Variants in CSPG4 observed in about 807,000 individuals in gnomAD.
CSPG4 encodes the protein chondroitin sulfate proteoglycan 4.
CSPG4 carries 74 observed loss-of-function variants against 139.3 expected under a neutral mutation model. That is an observed-to-expected ratio of 0.53 (90% confidence interval 0.44 to 0.64). The LOEUF (loss-of-function observed/expected upper bound fraction) is 0.64. CSPG4 is among the 30% of genes least tolerant of loss of function. The pLI, the probability that CSPG4 is intolerant of heterozygous loss-of-function variation, is 0.00. For synonymous variants in CSPG4, 1,234 were observed against 1,394.2 expected (o/e 0.89, Z 2.56); for missense variants, 2,565 against 3,148.3 (o/e 0.81, Z 4.43).
intron 8 of CSPG4, chr15:75,678,414 G>A (rs188003805): frequency 6.7e-5 from 22 of 329,900 alleles, no homozygotes; most frequent in Admixed American, 5.1e-4. Context: ...CTGCAGTGGC[G>A]TGATCATGGC....
chr15:75,684,477 C>G (rs1362163526), intron 5 of CSPG4, among the ~76,000 whole-genome samples: 3 of 152,240 alleles, frequency 2.0e-5, no homozygotes, highest in African/African-American at 7.2e-5. Context: ...GAAGAAGGAA[C>G]AGCAGAGCCA....
intron 5 of CSPG4, among the ~76,000 whole-genome samples, chr15:75,683,901 CCACCTGGTGGCT>C (rs1894015746): frequency 6.6e-6 from 1 of 152,204 alleles, no homozygotes; most frequent in Non-Finnish European, 1.5e-5. Context: ...GTAGATGGCA[CCACCTGGTGGCT>C]GTGCTGCCAC....
chr15:75,706,234 C>A (rs879883298), intron 1 of CSPG4, among the ~76,000 whole-genome samples: 64 of 152,218 alleles, frequency 4.2e-4, no homozygotes, highest in Non-Finnish European at 8.4e-4. Flanking sequence ...CCCCAGCCCC[C>A]TCTGTCTCCC....
rs926476378 is a variant in CSPG4, at chr15:75,677,962, C to T, written c.4951-76G>A. The T allele has an allele frequency of 1.1e-5, 15 of 1,400,114 alleles. No homozygotes were observed. In the African/African-American group the frequency reaches 2.2e-4, roughly 21 times the overall value. The allele number at this position is 1,400,114 out of a possible 1,614,324, so 86.7% of individuals were successfully genotyped here. A position where few individuals can be genotyped will look rare whatever the true frequency, so the allele number is the denominator to read the frequency against. On this transcript the variant is annotated intron_variant, in intron 8 of 9. Coordinates refer to ENST00000308508, the MANE Select transcript of CSPG4 (RefSeq NM_001897.5). ...CAGACACTGAGCACTTTTGTCTCCT[C>T]AGGCCCCACTCTGGGCTCTCCTGGG...
rs1316954384 is a variant in CSPG4 at position 75,689,561 on chromosome 15, G to A, written c.1504C>T (p.Arg502Cys). The change falls in exon 3 of 10, where the codon CGC (arginine) becomes TGC (cysteine). Residue 502 changes from arginine (R) to cysteine (C), a missense_variant. Transcript: ENST00000308508. The part of the protein sequence containing the change: ...KMFTLLDVVN[R>C]KARFIHDGSE... Reference sequence around the variant, plus strand: ...CCATCGTGGATGAAGCGGGCCTTGCGGTTCACCACGTCCAGGAGGGTGAAC... The same window carrying A: ...CCATCGTGGATGAAGCGGGCCTTGCAGTTCACCACGTCCAGGAGGGTGAAC... 1.2e-5 allele frequency: 19 copies of A among 1,612,586 alleles called. No individual in the cohort carries two copies. The highest frequency in any genetic ancestry group is 3.3e-5 in the Admixed American group (2 of 60,002).
chr15:75,712,131 G>T (rs547471914), intron 1 of CSPG4, among the ~76,000 whole-genome samples: 1 of 137,720 alleles, frequency 7.3e-6, no homozygotes, highest in East Asian at 2.1e-4. Flanking sequence ...GAAGCAAGGG[G>T]AGGAAAGAAG....
At chr15:75,684,602 G>T (rs1238413538) in intron 5 of CSPG4, 134 bp downstream of exon 5, 2 of 770,872 alleles carry the variant, frequency 2.6e-6, no homozygotes, top group Non-Finnish European at 4.2e-6. Flanking sequence ...AACCCCGTGA[G>T]GCATGTGGCA....
chr15:75,684,953 A>G (rs1566973073), intron 4 of CSPG4, 41 bp from the exon 5 acceptor site: 9 of 1,578,290 alleles, frequency 5.7e-6, no homozygotes, highest in Non-Finnish European at 6.9e-6. Flanking sequence ...CCCCAGCAGC[A>G]CCCTTCATGC....
At chr15:75,683,143 G>T in intron 5 of CSPG4, 102 bp from the exon 6 acceptor site, 1 of 1,210,558 alleles carries the variant, frequency 8.3e-7, no homozygotes, top group Non-Finnish European at 1.2e-6. Flanking sequence ...CTGCGGCTCA[G>T]CCCCTCGGGT....
In CSPG4 at chr15:75,687,383, C is replaced by T. The variant is rs1172139593; in HGVS notation, c.3682G>A (p.Val1228Met). Residue 1228 changes from valine to methionine, a missense_variant, in exon 3 of 10, where the codon GTG becomes ATG. Physicochemically the swap from Val to Met is conservative, Grantham distance 21. Transcript: ENST00000308508. The surrounding 1 kb of genome is among the most constrained non-coding windows in gnomAD (Gnocchi z 5.4). ...GPVHTDATLQ[V>M]TIALEGPLAP... Reference sequence around the variant, plus strand: ...AGTGGGCCCTCTAGGGCAATGGTCACTTGTAGGGTGGCATCCGTGTGCACT... The same window carrying T: ...AGTGGGCCCTCTAGGGCAATGGTCATTTGTAGGGTGGCATCCGTGTGCACT... 6.2e-7 allele frequency: 1 copy of T among 1,612,980 alleles called. No individual in the cohort carries two copies. Among genetic ancestry groups the T allele is most frequent in the African/African-American group, 1.3e-5 (1 of 75,060 alleles).
upstream of CSPG4, chr15:75,712,957 A>G: frequency 1.9e-6 from 1 of 531,378 alleles, no homozygotes; most frequent in Non-Finnish European, 3.3e-6. Flanking sequence ...CCCACCCTCA[A>G]CCTTCTTAAA....
At chr15:75,694,470 C>T (rs893784569) in intron 1 of CSPG4, among the ~76,000 whole-genome samples, 1 of 152,242 alleles carries the variant, frequency 6.6e-6, no homozygotes, top group African/African-American at 2.4e-5. Context: ...TTCCCTCAAA[C>T]CCGAGAGCGA....
rs774673857 is a variant in CSPG4 at position 75,688,701 on chromosome 15, C to T, written c.2364G>A (p.Arg788=). Residue 788 remains arginine (R), a synonymous_variant, in exon 3 of 10, where the codon CGG becomes CGA. Transcript: ENST00000308508. The part of the protein sequence containing the change: ...TIQRATVWML[R]LEPLHTQNTQ... ...TGTTCTGAGTGTGCAGTGGCTCCAGCCGCAGCATCCACACAGTGGCTCTCT... is the reference window on the plus strand; with the variant it reads ...TGTTCTGAGTGTGCAGTGGCTCCAGTCGCAGCATCCACACAGTGGCTCTCT... The T allele has an allele frequency of 1.2e-6, 2 of 1,610,508 alleles. No individual in the cohort carries two copies. The highest frequency in any genetic ancestry group is 1.7e-6 in the Non-Finnish European group (2 of 1,178,374).
Position 75,688,745 on chromosome 15 carries a change from A to G in CSPG4, c.2320T>C (p.Ser774Pro). ...QVGQEILSNL[S>P]FPVTIQRATV... ...GCTCTCTGGATGGTCACTGGGAAGG[A>G]CAGATTGCTCAGGATCTCCTGGCCC... is the stretch of plus-strand genomic sequence containing the variant. Residue 774 changes from serine (S) to proline (P), a missense_variant, in exon 3 of 10, where the codon TCC becomes CCC. By Grantham distance (74) the Ser-to-Pro change is moderately conservative. Transcript: ENST00000308508. 6.2e-7 allele frequency: 1 copy of G among 1,612,394 alleles called. No individual in the cohort carries two copies. Among genetic ancestry groups the G allele is most frequent in the Non-Finnish European group, 8.5e-7 (1 of 1,179,642 alleles).
intron 1 of CSPG4, 88 bp from the exon 2 acceptor site, chr15:75,693,321 A>G: frequency 7.8e-7 from 1 of 1,280,578 alleles, no homozygotes; most frequent in Non-Finnish European, 1.1e-6. Flanking sequence ...GGGTTGCAGA[A>G]AGGGGTCCGT....
Position 75,687,856 on chromosome 15 carries a change from G to A in CSPG4, c.3209C>T (p.Ala1070Val). ...RKDLLFGSIV[A>V]VDEPTRPIYR... ...GATGGGCCGCGTGGGCTCATCTACG[G>A]CCACGATACTGCCAAAGAGGAGGTC... The change falls in exon 3 of 10, where the codon GCC (alanine) becomes GTC (valine). Residue 1070 changes from alanine to valine, a missense_variant. Transcript: ENST00000308508. This position sits in a 1 kb window ranked among gnomAD's most constrained non-coding sequence, Gnocchi z 5.4. 1.2e-6 allele frequency: 2 copies of A among 1,612,962 alleles called. No individual in the cohort carries two copies. The highest frequency in any genetic ancestry group is 1.7e-6 in the Non-Finnish European group (2 of 1,180,038).
intron 1 of CSPG4, among the ~76,000 whole-genome samples, chr15:75,702,263 G>T (rs767355678): frequency 6.6e-6 from 1 of 152,192 alleles, no homozygotes. Context: ...CACTGACTCC[G>T]TGCACACCTA....
At position 75,687,617 on chromosome 15, in the gene CSPG4, G is replaced by C. The variant is rs1894080112; in HGVS notation, c.3448C>G (p.Leu1150Val). 1.9e-6 allele frequency: 3 copies of C among 1,611,854 alleles called. No homozygotes were observed. Among genetic ancestry groups the C allele is most frequent in the Non-Finnish European group, 2.5e-6 (3 of 1,179,446 alleles). Reference sequence around the variant, plus strand: ...ATGTCGAGGTTGGTGTCCAGGTGGAGCACGGCCGTGTCGATGGTGCCCTGG... The same window carrying C: ...ATGTCGAGGTTGGTGTCCAGGTGGACCACGGCCGTGTCGATGGTGCCCTGG... ...GGQGTIDTAV[L>V]HLDTNLDIRS... is the part of the protein sequence containing the mutation. Residue 1150 changes from leucine (L) to valine (V), a missense_variant, in exon 3 of 10, where the codon CTC (leucine) becomes GTC (valine). Around this residue, in one of 5 missense-constraint regions of CSPG4, gnomAD observed 2,316 missense variants for 2,818.2 expected, o/e 0.82. Coordinates refer to ENST00000308508, the MANE Select transcript of CSPG4 (RefSeq NM_001897.5). This position sits in a 1 kb window ranked among gnomAD's most constrained non-coding sequence, Gnocchi z 5.4.
At chr15:75,708,488 C>T (rs1312993726) in intron 1 of CSPG4, among the ~76,000 whole-genome samples, 5 of 149,968 alleles carry the variant, frequency 3.3e-5, no homozygotes, top group South Asian at 2.2e-4. Flanking sequence ...AGGGAGAGAA[C>T]GCTGGCTGGT....
Sources: allele counts gnomAD v4.1 joint callset (sites outside exome capture counted in the v4.1 genomes callset), GRCh38; gene constraint gnomAD v4.1.1; regional missense constraint gnomAD v4.1.1; non-coding constraint Gnocchi (gnomAD v3.1); transcripts MANE v1.5; gene names NCBI Gene and HGNC (gene_info 2026-07-23, HGNC 2026-07-21).